The following ARID2 variants were observed in gnomAD, a reference collection of about 807,000 sequenced individuals.
ARID2 encodes the protein AT-rich interactive domain-containing protein 2.
Under a neutral mutation model 184.6 loss-of-function variants are expected in ARID2, and 32 were observed. The ratio of observed to expected loss-of-function variants is 0.17; its 90% CI spans 0.13 to 0.23. ARID2 has a LOEUF of 0.23. ARID2 is among the 10% of genes least tolerant of loss of function. The pLI, the probability that ARID2 is intolerant of heterozygous loss-of-function variation, is 1.00. For synonymous variants in ARID2, 836 were observed against 772.6 expected (o/e 1.08, Z -1.36); for missense variants, 1,696 against 2,197.6 (o/e 0.77, Z 4.56).
In ARID2 at chr12:45,893,511, G is replaced by A; in HGVS notation, c.5239G>A (p.Gly1747Arg). 6.2e-7 allele frequency: 1 copy of A among 1,613,818 alleles called. No homozygotes were observed. The change falls in exon 19 of 21, where the codon GGA becomes AGA. Residue 1747 changes from glycine (G) to arginine (R), a missense_variant. Gly to Arg is a moderately radical substitution (Grantham distance 125). Around this residue, in one of 11 missense-constraint regions of ARID2, gnomAD observed 69 missense variants for 118.2 expected, o/e 0.58. Transcript: ENST00000334344. Reference protein sequence around the residue: ...PSAALMALRRGSRNLVFRDFT... With the variant: ...PSAALMALRRRSRNLVFRDFT... ...TGCTGCACTTATGGCTCTGAGGAGA[G>A]GATCAAGAAACCTTGTCTTTCGAGA...
chr12:45,880,154 G>T (rs1473020059), intron 16 of ARID2, among the ~76,000 whole-genome samples: 4 of 152,110 alleles, frequency 2.6e-5, no homozygotes, highest in African/African-American at 4.8e-5. Context: ...GGAATCTATT[G>T]CTCCTCATAT....
In ARID2 at chr12:45,853,286, G is replaced by A. The variant is rs116347305; in HGVS notation, c.4773+390G>A. 5.2e-3 allele frequency among the ~76,000 whole-genome samples: 788 copies of A among 152,226 alleles called. 11 individuals carry two copies. Among genetic ancestry groups the A allele is most frequent in the African/African-American group, 0.018 (755 of 41,554 alleles). ...ATTTCTGTATTTGATTTTGACCTGA[G>A]TGTGTTTTTGTTGCCTCTTTAACAG... On this transcript the variant is annotated intron_variant, in intron 15 of 20. Transcript: ENST00000334344.
intron 16 of ARID2, among the ~76,000 whole-genome samples, chr12:45,864,313 C>G (rs1410150558): frequency 1.3e-5 from 2 of 152,058 alleles, no homozygotes; most frequent in Non-Finnish European, 2.9e-5. Context: ...CCACCATACT[C>G]CTACAGAAAA....
chr12:45,754,277 A>G (rs929332953), intron 3 of ARID2, among the ~76,000 whole-genome samples: 6 of 152,208 alleles, frequency 3.9e-5, no homozygotes, highest in Non-Finnish European at 8.8e-5. Context: ...GCTAAAGAAG[A>G]AAGTCCAAAT....
At chr12:45,838,789 A>T (rs1943270265) in intron 10 of ARID2, among the ~76,000 whole-genome samples, 1 of 151,860 alleles carries the variant, frequency 6.6e-6, no homozygotes, top group Non-Finnish European at 1.5e-5. Context: ...AGATAGATAG[A>T]TAGATATAGA....
Position 45,852,410 on chromosome 12 carries a change from C to T in ARID2, c.4287C>T (p.Ser1429=), listed in dbSNP as rs1468322562. 4.3e-6 allele frequency: 7 copies of T among 1,614,134 alleles called. No individual in the cohort carries two copies. The highest frequency in any genetic ancestry group is 2.7e-5 in the African/African-American group (2 of 75,046). The change falls in exon 15 of 21, where the codon AGC becomes AGT. Residue 1429 remains serine, a synonymous_variant. Coordinates refer to ENST00000334344, the MANE Select transcript of ARID2 (RefSeq NM_152641.4). ...TAACTTTGGGTGGTTCATCTGTGAGCAGTATACAGGAGGCTTCAAATGCGG... is the reference window on the plus strand; with the variant it reads ...TAACTTTGGGTGGTTCATCTGTGAGTAGTATACAGGAGGCTTCAAATGCGG... The part of the protein sequence containing the change: ...PVLTLGGSSV[S]SIQEASNAAT...
intron 20 of ARID2, among the ~76,000 whole-genome samples, chr12:45,897,744 A>T (rs1181739182): frequency 6.6e-6 from 1 of 152,200 alleles, no homozygotes; most frequent in East Asian, 1.9e-4. Context: ...AAAATGTGGC[A>T]TGTACATGCA....
intron 3 of ARID2, among the ~76,000 whole-genome samples, chr12:45,758,402 T>A (rs1003210425): frequency 6.6e-6 from 1 of 152,106 alleles, no homozygotes; most frequent in Non-Finnish European, 1.5e-5. Context: ...GACTTTTTTT[T>A]AAGCTCATCA....
rs552271029 is a variant in ARID2, at chr12:45,902,530, T to C, written c.5364-2404T>C. 5.9e-5 allele frequency among the ~76,000 whole-genome samples: 9 copies of C among 152,012 alleles called. No individual in the cohort carries two copies. In the South Asian group the frequency reaches 1.9e-3, roughly 32 times the overall value. The stretch of plus-strand genomic sequence containing the variant: ...GTACTTTGTAAAGTTATTTTTATTT[T>C]GTAAATTTTTTTTTTTTTTGAGATG... On this transcript the variant is annotated intron_variant, in intron 20 of 20. Transcript: ENST00000334344.
At chr12:45,902,249 C>G (rs953124599) in intron 20 of ARID2, among the ~76,000 whole-genome samples, 1 of 151,972 alleles carries the variant, frequency 6.6e-6, no homozygotes, top group Non-Finnish European at 1.5e-5. Flanking sequence ...TATATCAAAA[C>G]AAAGTGAGTG....
chr12:45,812,091 A>G (rs1942720361), intron 4 of ARID2, among the ~76,000 whole-genome samples: 1 of 151,698 alleles, frequency 6.6e-6, no homozygotes, highest in Non-Finnish European at 1.5e-5. Flanking sequence ...TACTCTCTTG[A>G]GTGGAGTAGA....
Position 45,905,260 on chromosome 12 carries a change from T to A in ARID2, c.*182T>A. On this transcript the variant is annotated 3_prime_UTR_variant, in exon 21 of 21. Coordinates refer to ENST00000334344, the MANE Select transcript of ARID2 (RefSeq NM_152641.4). ...TGAGTGAATCCCTTTGTTCTCTGTT[T>A]AAAAAAATCTAAAAAGAAAAAGGAA... The A allele has an allele frequency of 2.0e-6, 1 of 499,330 alleles. No homozygotes were observed. Among genetic ancestry groups the A allele is most frequent in the South Asian group, 6.2e-5 (1 of 16,126 alleles). 30.9% of individuals were successfully genotyped at this position (499,330 alleles called of 1,614,324 possible).
chr12:45,868,322 T>G (rs1031842600), intron 16 of ARID2, among the ~76,000 whole-genome samples: 2 of 152,102 alleles, frequency 1.3e-5, no homozygotes, highest in African/African-American at 2.4e-5. Context: ...GTACCTGTAA[T>G]CCCAGCTACT....
At chr12:45,861,822 C>G (rs1943754782) in intron 16 of ARID2, among the ~76,000 whole-genome samples, 1 of 151,974 alleles carries the variant, frequency 6.6e-6, no homozygotes, top group Non-Finnish European at 1.5e-5. Flanking sequence ...TCCCTCTGGC[C>G]TCGGCCTCCC....
At chr12:45,868,927 A>G (rs1222413503) in intron 16 of ARID2, among the ~76,000 whole-genome samples, 1 of 152,152 alleles carries the variant, frequency 6.6e-6, no homozygotes, top group Non-Finnish European at 1.5e-5. Flanking sequence ...TATACTAGGC[A>G]CTGTGCCGGG....
intron 3 of ARID2, among the ~76,000 whole-genome samples, chr12:45,793,690 TAC>T (rs150302042): frequency 9.9e-5 from 15 of 150,976 alleles, no homozygotes; most frequent in South Asian, 4.2e-4. Context: ...TATTTATATA[TAC>T]ACACACACAC....
intron 3 of ARID2, among the ~76,000 whole-genome samples, chr12:45,760,091 C>G (rs1369719530): frequency 1.3e-5 from 2 of 152,108 alleles, no homozygotes; most frequent in Non-Finnish European, 2.9e-5. Flanking sequence ...TTTTGTCATT[C>G]ATCTCAAAGT....
chr12:45,894,888 G>A (rs1944349847), intron 20 of ARID2, among the ~76,000 whole-genome samples: 1 of 151,862 alleles, frequency 6.6e-6, no homozygotes, highest in Non-Finnish European at 1.5e-5. Context: ...TAAGCCACAT[G>A]CAAGTTCCTA....
intron 3 of ARID2, among the ~76,000 whole-genome samples, chr12:45,744,788 T>C (rs958194521): frequency 6.6e-5 from 10 of 152,046 alleles, no homozygotes; most frequent in African/African-American, 1.9e-4. Context: ...AGAAATCTTA[T>C]GTTTGTTTGC....
Sources: allele counts gnomAD v4.1 joint callset (sites outside exome capture counted in the v4.1 genomes callset), GRCh38; gene constraint gnomAD v4.1.1; regional missense constraint gnomAD v4.1.1; transcripts MANE v1.5; gene names NCBI Gene and HGNC (gene_info 2026-07-23, HGNC 2026-07-21).